The following POLK variants were observed in gnomAD, a reference collection of about 807,000 sequenced individuals.
POLK encodes the protein polymerase (DNA directed) kappa.
In POLK, 76 loss-of-function variants were observed where a neutral mutation model predicts 94.0. The ratio of observed to expected loss-of-function variants is 0.81; its 90% CI spans 0.67 to 0.98. The LOEUF (loss-of-function observed/expected upper bound fraction) is 0.98. POLK is among the 50% of genes least tolerant of loss of function. The pLI is 0.00. For missense variants in POLK, 954 were observed against 1,010.1 expected (o/e 0.94, Z 0.75); for synonymous variants, 349 against 325.4 (o/e 1.07, Z -0.78).
At chr5:75,580,581 A>C in intron 6 of POLK, 30 of 862,876 alleles carry the variant, frequency 3.5e-5, no homozygotes, top group Non-Finnish European at 4.2e-5. Flanking sequence ...ATATTCAAAG[A>C]AGCATAACTT....
chr5:75,515,102 A>G (rs1048314443), intron 1 of POLK, among the ~76,000 whole-genome samples: 2 of 152,192 alleles, frequency 1.3e-5, no homozygotes, highest in African/African-American at 2.4e-5. Context: ...CCAATTACGC[A>G]TAAATAATTT....
intron 1 of POLK, among the ~76,000 whole-genome samples, chr5:75,542,946 C>T (rs994039293): frequency 2.1e-4 from 31 of 150,500 alleles, no homozygotes; most frequent in South Asian, 1.5e-3. Flanking sequence ...CCCCTGACCT[C>T]GTGATCCACC....
At chr5:75,542,670 T>C (rs541619546) in intron 1 of POLK, among the ~76,000 whole-genome samples, 2 of 147,764 alleles carry the variant, frequency 1.4e-5, no homozygotes, top group South Asian at 2.1e-4. Context: ...TATATACACA[T>C]ATATACATAT....
intron 2 of POLK, 100 bp from the exon 3 acceptor site, chr5:75,552,372 C>A: frequency 9.3e-7 from 1 of 1,075,156 alleles, no homozygotes; most frequent in Non-Finnish European, 1.3e-6. Context: ...TAAATTTAAT[C>A]TTCTGTTTCC....
chr5:75,558,211 A>G (rs1358878627), intron 3 of POLK, among the ~76,000 whole-genome samples: 1 of 151,902 alleles, frequency 6.6e-6, no homozygotes, highest in African/African-American at 2.4e-5. Flanking sequence ...TTCCAGGAAC[A>G]ATATTCTTAT....
chr5:75,571,133 C>CGATT (rs1491436513), intron 4 of POLK, among the ~76,000 whole-genome samples: 2 of 152,094 alleles, frequency 1.3e-5, no homozygotes, highest in Non-Finnish European at 2.9e-5. Context: ...TCCTAAAAAT[C>CGATT]AGTTATTGTT....
chr5:75,542,479 G>A (rs1454094252), intron 1 of POLK, among the ~76,000 whole-genome samples: 1 of 151,596 alleles, frequency 6.6e-6, no homozygotes, highest in Non-Finnish European at 1.5e-5. Flanking sequence ...GTGGGAGGAG[G>A]CCTACCACAC....
At chr5:75,595,248 G>GAAAAAAAAAAAAAAAAAAAAAAAAAAAA (rs58783164) in intron 12 of POLK, among the ~76,000 whole-genome samples, 2 of 24,882 alleles carry the variant, frequency 8.0e-5, no homozygotes, top group Non-Finnish European at 1.8e-4. Context: ...CTCCACCTCA[G>GAAAAAAAAAAAAAAAAAAAAAAAAAAAA]AAAAAAAAAA....
chr5:75,549,635 G>A (rs1280131176), intron 2 of POLK, among the ~76,000 whole-genome samples: 3 of 151,652 alleles, frequency 2.0e-5, no homozygotes, highest in Non-Finnish European at 2.9e-5. Context: ...TATCATAAAT[G>A]GTACCTTGTT....
chr5:75,594,416 C>T (rs989699353), intron 12 of POLK, among the ~76,000 whole-genome samples: 5 of 152,162 alleles, frequency 3.3e-5, no homozygotes, highest in Admixed American at 6.5e-5. Context: ...AGTTATTAGA[C>T]CCTGATGTGT....
intron 1 of POLK, chr5:75,512,227 G>A (rs1454512519): frequency 6.1e-6 from 1 of 162,990 alleles, no homozygotes; most frequent in Non-Finnish European, 1.3e-5. Context: ...TGTAAATCTC[G>A]AGGGTCTTAC....
At chr5:75,605,768 C>T (rs1020634573), downstream of POLK, among the ~76,000 whole-genome samples, 6 of 151,980 alleles carry the variant, frequency 3.9e-5, no homozygotes, top group Admixed American at 2.6e-4. Flanking sequence ...ATATGGGACA[C>T]CAAGGTTTAT....
At chr5:75,520,966 A>G (rs1768550304) in intron 1 of POLK, among the ~76,000 whole-genome samples, 1 of 152,080 alleles carries the variant, frequency 6.6e-6, no homozygotes, top group African/African-American at 2.4e-5. Flanking sequence ...TTTGGTTCCC[A>G]TTGTGGAGTC....
chr5:75,562,946 A>G (rs1002766678), intron 3 of POLK, among the ~76,000 whole-genome samples: 2 of 152,188 alleles, frequency 1.3e-5, no homozygotes, highest in Non-Finnish European at 2.9e-5. Context: ...ATTGATGTTC[A>G]TCAGGGATAT....
intron 1 of POLK, among the ~76,000 whole-genome samples, chr5:75,517,231 G>A (rs1182737649): frequency 6.6e-6 from 1 of 152,098 alleles, no homozygotes; most frequent in Non-Finnish European, 1.5e-5. Flanking sequence ...AAATTGTTTT[G>A]GGTAGTATTG....
intron 1 of POLK, among the ~76,000 whole-genome samples, chr5:75,545,952 G>A (rs1198456749): frequency 2.0e-5 from 3 of 152,110 alleles, no homozygotes; most frequent in Middle Eastern, 3.2e-3. Context: ...CTCACATGTA[G>A]TGCCGTAAGC....
At chr5:75,518,580 G>A (rs918464467) in intron 1 of POLK, among the ~76,000 whole-genome samples, 1 of 151,812 alleles carries the variant, frequency 6.6e-6, no homozygotes, top group African/African-American at 2.4e-5. Flanking sequence ...AACAACTTTT[G>A]TTGACCTGTA....
At chr5:75,554,676 G>A (rs1770509907) in intron 3 of POLK, among the ~76,000 whole-genome samples, 1 of 152,008 alleles carries the variant, frequency 6.6e-6, no homozygotes, top group East Asian at 1.9e-4. Flanking sequence ...CCCTCCAGTA[G>A]GCCCCAGTGT....
chr5:75,520,480 G>T (rs902384974), intron 1 of POLK, among the ~76,000 whole-genome samples: 1 of 152,052 alleles, frequency 6.6e-6, no homozygotes, highest in Non-Finnish European at 1.5e-5. Flanking sequence ...CTGTAGTCTC[G>T]AACTCCTGGG....
Sources: allele counts gnomAD v4.1 joint callset (sites outside exome capture counted in the v4.1 genomes callset), GRCh38; gene constraint gnomAD v4.1.1; transcripts MANE v1.5; gene names NCBI Gene and HGNC (gene_info 2026-07-23, HGNC 2026-07-21).